The following SUGCT variants were observed in gnomAD, a reference collection of about 807,000 sequenced individuals.
SUGCT encodes succinyl-CoA:glutarate-CoA transferase.
In SUGCT, 41 loss-of-function variants were observed where a neutral mutation model predicts 55.0. The ratio of observed to expected loss-of-function variants is 0.74; its 90% CI spans 0.58 to 0.97. SUGCT has a LOEUF of 0.97. Ranked by LOEUF, SUGCT falls within the 50% of genes least tolerant of loss-of-function variation. The probability of loss-of-function intolerance (pLI) is 0.00; values close to 1 mark genes in which losing one functional copy is unlikely to be tolerated. For synonymous variants in SUGCT, 187 were observed against 200.4 expected, an observed-to-expected ratio of 0.93 and a Z score of 0.56; for missense variants, 568 against 547.8, an observed-to-expected ratio of 1.04 and a Z score of -0.37.
At chr7:40,643,838 G>T (rs1459817711) in intron 12 of SUGCT, among the ~76,000 whole-genome samples, 2 of 152,282 alleles carry the variant, frequency 1.3e-5, no homozygotes, top group South Asian at 2.1e-4. Flanking sequence ...GGAAAGGGGG[G>T]ACTTATCTGA....
At chr7:40,273,275 A>G (rs985529263) in intron 7 of SUGCT, among the ~76,000 whole-genome samples, 6 of 152,198 alleles carry the variant, frequency 3.9e-5, no homozygotes, top group African/African-American at 1.4e-4. Flanking sequence ...TTTAAACATT[A>G]TTTTGCAAAA....
chr7:40,288,651 T>C (rs973634728), intron 8 of SUGCT, among the ~76,000 whole-genome samples: 1 of 152,058 alleles, frequency 6.6e-6, no homozygotes, highest in South Asian at 2.1e-4. Flanking sequence ...CACCTATAAT[T>C]TAAAATTCCC....
At chr7:40,942,789 T>A in the SUGCT span, among the ~76,000 whole-genome samples, 1 of 152,016 alleles carries the variant, frequency 6.6e-6, no homozygotes, top group Admixed American at 6.6e-5. Flanking sequence ...TCTGATTGGG[T>A]TAATTTGAAA....
intron 8 of SUGCT, among the ~76,000 whole-genome samples, chr7:40,293,542 G>C (rs1028737802): frequency 3.9e-5 from 6 of 152,190 alleles, no homozygotes; most frequent in Non-Finnish European, 7.3e-5. Flanking sequence ...AAAAGTACCA[G>C]TGAGCTTTTT....
At chr7:40,475,907 GA>G (rs1261048228) in intron 11 of SUGCT, among the ~76,000 whole-genome samples, 1 of 152,076 alleles carries the variant, frequency 6.6e-6, no homozygotes, top group Non-Finnish European at 1.5e-5. Flanking sequence ...TCCATCAATT[GA>G]TTGTTTCATT....
downstream of SUGCT, among the ~76,000 whole-genome samples, chr7:40,862,018 G>C (rs1478984901): frequency 2.0e-5 from 3 of 152,132 alleles, no homozygotes; most frequent in African/African-American, 7.2e-5. Flanking sequence ...AGATTAGATG[G>C]CAGAGAATTG....
At chr7:40,368,267 G>A (rs991832791) in intron 9 of SUGCT, among the ~76,000 whole-genome samples, 2 of 149,052 alleles carry the variant, frequency 1.3e-5, no homozygotes, top group East Asian at 2.5e-4. Flanking sequence ...GGCTGATCTC[G>A]GCTCACTGCA....
At chr7:40,174,341 C>A (rs573854106) in intron 1 of SUGCT, among the ~76,000 whole-genome samples, 18 of 152,168 alleles carry the variant, frequency 1.2e-4, no homozygotes, top group African/African-American at 4.3e-4. Flanking sequence ...CTCTCTGTAA[C>A]CTTGAACTCC....
chr7:40,452,671 C>T (rs1043693202), intron 10 of SUGCT, among the ~76,000 whole-genome samples: 4 of 152,216 alleles, frequency 2.6e-5, no homozygotes, highest in Admixed American at 1.3e-4. Flanking sequence ...GATTATAATA[C>T]GTAATTATAC....
intron 8 of SUGCT, among the ~76,000 whole-genome samples, chr7:40,287,841 C>T (rs1269646689): frequency 6.6e-6 from 1 of 152,092 alleles, no homozygotes; most frequent in Non-Finnish European, 1.5e-5. Flanking sequence ...TCCCTCTGTT[C>T]CTAGTTTACT....
intron 13 of SUGCT, among the ~76,000 whole-genome samples, chr7:40,782,100 A>C (rs997578074): frequency 6.6e-6 from 1 of 152,022 alleles, no homozygotes; most frequent in African/African-American, 2.4e-5. Context: ...TATTTAGAAA[A>C]ATCTTTACAG....
At chr7:40,420,337 TG>T (rs1286491141) in intron 9 of SUGCT, among the ~76,000 whole-genome samples, 1 of 151,906 alleles carries the variant, frequency 6.6e-6, no homozygotes, top group African/African-American at 2.4e-5. Flanking sequence ...TTTTGTTTTT[TG>T]TTTTTGTTTT....
chr7:40,142,630 A>G (rs1788047211), intron 1 of SUGCT, among the ~76,000 whole-genome samples: 1 of 152,198 alleles, frequency 6.6e-6, no homozygotes, highest in Non-Finnish European at 1.5e-5. Context: ...TTTTCTAGCC[A>G]TCCTGTAAAG....
the SUGCT span, among the ~76,000 whole-genome samples, chr7:40,985,731 A>G: frequency 1.3e-5 from 2 of 152,346 alleles, no homozygotes; most frequent in East Asian, 3.9e-4. Flanking sequence ...TTATGTTAAC[A>G]GGGAACTGTT....
intron 9 of SUGCT, among the ~76,000 whole-genome samples, chr7:40,336,838 G>A (rs1004659326): frequency 6.6e-6 from 1 of 152,128 alleles, no homozygotes; most frequent in Admixed American, 6.6e-5. Context: ...TAATTGTGAT[G>A]TTAGGGTGTC....
chr7:40,289,912 C>G (rs996779053), intron 8 of SUGCT, among the ~76,000 whole-genome samples: 3 of 152,136 alleles, frequency 2.0e-5, no homozygotes, highest in African/African-American at 7.2e-5. Flanking sequence ...ACAATTGCTT[C>G]GAAGAGAATA....
chr7:40,982,903 C>T, the SUGCT span, among the ~76,000 whole-genome samples: 2 of 152,222 alleles, frequency 1.3e-5, no homozygotes, highest in Non-Finnish European at 2.9e-5. Flanking sequence ...CCCACCTCAG[C>T]CTCCCAACGT....
rs577759983 is a variant in SUGCT at position 40,759,662 on chromosome 7, T to C, written c.1153+10165T>C. On this transcript the variant is annotated intron_variant, in intron 13 of 13. Coordinates refer to ENST00000335693, the MANE Select transcript of SUGCT (RefSeq NM_001193313.2). ...ATTGAGTTTTTTTTTTTACCTTACTTACATTAGTCTCTAATTTAAAGACTG... is the reference window on the plus strand; with the variant it reads ...ATTGAGTTTTTTTTTTTACCTTACTCACATTAGTCTCTAATTTAAAGACTG... Among the ~76,000 whole-genome samples, 7 of 152,284 alleles carry C rather than the reference T, an allele frequency of 4.6e-5. No homozygotes were observed. In the South Asian group the frequency reaches 1.4e-3, roughly 32 times the overall value.
At chr7:40,219,583 G>A (rs1364225282) in intron 6 of SUGCT, among the ~76,000 whole-genome samples, 2 of 152,068 alleles carry the variant, frequency 1.3e-5, no homozygotes. Flanking sequence ...CTGTCTCTTT[G>A]GGACGTTGTG....
Sources: gnomAD v4.1 joint callset for allele counts (sites outside exome capture counted in the v4.1 genomes callset) on GRCh38, gnomAD v4.1.1 for gene constraint, MANE v1.5 for transcripts, NCBI Gene and HGNC (gene_info 2026-07-23, HGNC 2026-07-21) for gene names.